The following ORC4 variants were observed in gnomAD, a reference collection of about 807,000 sequenced individuals.
ORC4 encodes the protein origin recognition complex, subunit 4 homolog.
In ORC4, 55 loss-of-function variants were observed where a neutral mutation model predicts 63.9. The ratio of observed to expected loss-of-function variants is 0.86; its 90% CI spans 0.69 to 1.08. The LOEUF is 1.08. ORC4 is among the 50% of genes least tolerant of loss of function. The probability of loss-of-function intolerance (pLI) is 0.00; values close to 1 mark genes in which losing one functional copy is unlikely to be tolerated. For synonymous variants in ORC4, 150 were observed against 168.5 expected (o/e 0.89, Z 0.85); for missense variants, 511 against 504.4 (o/e 1.01, Z -0.13).
chr2:147,949,478 G>A (rs1688836953), intron 8 of ORC4, among the ~76,000 whole-genome samples: 1 of 152,086 alleles, frequency 6.6e-6, no homozygotes, highest in Admixed American at 6.6e-5. Flanking sequence ...CTCTTAAACT[G>A]TGGTGATAAA....
chr2:147,942,922 G>A (rs1362420746), intron 10 of ORC4, among the ~76,000 whole-genome samples: 1 of 152,008 alleles, frequency 6.6e-6, no homozygotes, highest in Admixed American at 6.6e-5. Flanking sequence ...ATATATTAAT[G>A]TGTATATATA....
chr2:147,938,280 A>G lies in ORC4; in HGVS notation c.1054+18T>C. On this transcript the variant is annotated intron_variant, in intron 12 of 13. Coordinates refer to ENST00000392857, the MANE Select transcript of ORC4 (RefSeq NM_181741.4). ...AGTGGGGAAGAGTCAGAAAAAAGCT[A>G]CTTAAGTCTCATCTCACCATTATAG... 1.9e-6 allele frequency: 3 copies of G among 1,588,456 alleles called. No individual in the cohort carries two copies. The highest frequency in any genetic ancestry group is 1.1e-5 in the South Asian group (1 of 90,572).
chr2:148,011,157 C>G (rs1692944251), intron 1 of ORC4, among the ~76,000 whole-genome samples: 1 of 151,964 alleles, frequency 6.6e-6, no homozygotes, highest in Admixed American at 6.6e-5. Context: ...CAAAACCAGA[C>G]AACGATACAA....
chr2:147,931,387 G>A lies in ORC4; in HGVS notation c.*4123C>T, dbSNP rs1210644359. 1.3e-5 allele frequency: 2 copies of A among 151,802 alleles called. No homozygotes were observed. The highest frequency in any genetic ancestry group is 2.4e-5 in the African/African-American group (1 of 41,224). The allele number at this position is 151,802 out of a possible 1,614,324, so 9.4% of individuals were successfully genotyped here. A position where few individuals can be genotyped will look rare whatever the true frequency, so the allele number is the denominator to read the frequency against. On this transcript the variant is annotated 3_prime_UTR_variant, in exon 14 of 14. Transcript: ENST00000392857. ...GTATATACCCAGTAATGGGATGGCT[G>A]GGTCAAATGGTGTTTCCAGTTCTAG...
chr2:147,990,001 T>G (rs1266580312), intron 1 of ORC4, among the ~76,000 whole-genome samples: 1 of 152,202 alleles, frequency 6.6e-6, no homozygotes, highest in African/African-American at 2.4e-5. Context: ...AAAGAACTCT[T>G]AGTAAATTAA....
Position 147,948,099 on chromosome 2 carries a change from T to C in ORC4, c.714A>G (p.Ala238=). The part of the protein sequence containing the change: ...KIFKEQLSLP[A]EFPDKVFAEK... ...CAGCAAAAACCTTGTCTGGAAACTC[T>C]GCAGGTAGAGATAACTGTTCTTTAA... Residue 238 remains alanine, a synonymous_variant, in exon 9 of 14, where the codon GCA becomes GCG. Transcript: ENST00000392857. 1.2e-6 allele frequency: 2 copies of C among 1,612,210 alleles called. No individual in the cohort carries two copies. The highest frequency in any genetic ancestry group is 1.7e-6 in the Non-Finnish European group (2 of 1,178,532).
intron 3 of ORC4, among the ~76,000 whole-genome samples, chr2:147,973,175 G>GT (rs746455191): frequency 9.3e-4 from 141 of 152,248 alleles, no homozygotes; most frequent in Middle Eastern, 3.4e-3. Context: ...TGGCTGCTGG[G>GT]TATTAAGGGC....
chr2:147,999,171 T>C (rs1324165555), intron 1 of ORC4, among the ~76,000 whole-genome samples: 3 of 152,196 alleles, frequency 2.0e-5, no homozygotes, highest in African/African-American at 7.2e-5. Context: ...AGTGCTAACA[T>C]GGCTCAAATT....
chr2:148,001,594 G>C (rs1692311934), intron 1 of ORC4, among the ~76,000 whole-genome samples: 1 of 152,044 alleles, frequency 6.6e-6, no homozygotes, highest in South Asian at 2.1e-4. Flanking sequence ...TGCCTTACAA[G>C]AGCTCCTGAA....
At position 147,958,572 on chromosome 2, in the gene ORC4, A is replaced by AC; in HGVS notation, c.302-190_302-189insG. 5.4e-6 allele frequency: 3 copies of AC among 550,618 alleles called. No individual in the cohort carries two copies. In the South Asian group the frequency reaches 8.3e-5, roughly 15 times the overall value. The allele number at this position is 550,618 out of a possible 1,614,324, so 34.1% of individuals were successfully genotyped here. A position where few individuals can be genotyped will look rare whatever the true frequency, so the allele number is the denominator to read the frequency against. On this transcript the variant is annotated intron_variant, in intron 5 of 13. Coordinates refer to ENST00000392857, the MANE Select transcript of ORC4 (RefSeq NM_181741.4). ...ATCCTCCTTGGGATTAGAATGATTAAAAAAAAAAAAACCAAAAAACCCACA... is the reference window on the plus strand; with the variant it reads ...ATCCTCCTTGGGATTAGAATGATTAACAAAAAAAAAAACCAAAAAACCCACA...
chr2:147,931,722 T>C lies in ORC4; in HGVS notation c.*3788A>G, dbSNP rs923492597. On this transcript the variant is annotated 3_prime_UTR_variant, in exon 14 of 14. Coordinates refer to ENST00000392857, the MANE Select transcript of ORC4 (RefSeq NM_181741.4). ...GACAAAAAACACATGATTATCTCAA[T>C]AGATGCAGAAAAAGCCTTTGACAAA... 3 of 152,066 alleles carry C rather than the reference T, an allele frequency of 2.0e-5. No individual in the cohort carries two copies. Among genetic ancestry groups the C allele is most frequent in the Admixed American group, 6.6e-5 (1 of 15,248 alleles). The allele number at this position is 152,066 out of a possible 1,614,324, so 9.4% of individuals were successfully genotyped here.
chr2:147,939,342 A>C (rs545209348), intron 10 of ORC4, 94 bp from the exon 11 acceptor site: 2 of 753,106 alleles, frequency 2.7e-6, no homozygotes, highest in African/African-American at 3.4e-5. Flanking sequence ...GTTAATTCTT[A>C]AGGGAGAGTA....
chr2:147,945,813 T>C (rs996154583), intron 9 of ORC4, among the ~76,000 whole-genome samples: 1 of 152,030 alleles, frequency 6.6e-6, no homozygotes, highest in Admixed American at 6.6e-5. Context: ...AGAGAAAGAA[T>C]AGCTCCCTTA....
At chr2:147,994,311 C>T (rs1438222747) in intron 1 of ORC4, among the ~76,000 whole-genome samples, 1 of 152,126 alleles carries the variant, frequency 6.6e-6, no homozygotes, top group Non-Finnish European at 1.5e-5. Flanking sequence ...AATGCAATCC[C>T]AATCAAAATT....
At chr2:147,971,107 G>A (rs957503563) in intron 4 of ORC4, among the ~76,000 whole-genome samples, 10 of 151,894 alleles carry the variant, frequency 6.6e-5, no homozygotes, top group Non-Finnish European at 1.2e-4. Flanking sequence ...ACTGCACTCC[G>A]GCCTGGGTGA....
At chr2:147,952,998 C>G (rs1689045812) in intron 7 of ORC4, among the ~76,000 whole-genome samples, 1 of 150,172 alleles carries the variant, frequency 6.7e-6, no homozygotes, top group South Asian at 2.1e-4. Flanking sequence ...TGCACTCCAG[C>G]CTGGGCAACG....
chr2:147,957,152 A>G (rs1689302723), intron 6 of ORC4, among the ~76,000 whole-genome samples: 1 of 147,708 alleles, frequency 6.8e-6, no homozygotes, highest in African/African-American at 2.4e-5. Flanking sequence ...TACATATAAT[A>G]AACTATAATT....
chr2:147,955,712 A>C (rs963846699), intron 6 of ORC4, among the ~76,000 whole-genome samples: 2 of 151,992 alleles, frequency 1.3e-5, no homozygotes, highest in Non-Finnish European at 2.9e-5. Context: ...AAGAATGTTA[A>C]ATTTATTTGA....
At chr2:147,976,568 T>A (rs1429981684) in intron 1 of ORC4, among the ~76,000 whole-genome samples, 1 of 152,056 alleles carries the variant, frequency 6.6e-6, no homozygotes, top group Non-Finnish European at 1.5e-5. Flanking sequence ...CCTTTCTTCC[T>A]TTTTCTTTTT....
Sources: allele counts gnomAD v4.1 joint callset (sites outside exome capture counted in the v4.1 genomes callset), GRCh38; gene constraint gnomAD v4.1.1; transcripts MANE v1.5; gene names NCBI Gene and HGNC (gene_info 2026-07-23, HGNC 2026-07-21).